IGF2R: variants seen among roughly 807,000 people sequenced by gnomAD.
IGF2R encodes cation-independent mannose-6-phosphate receptor.
A neutral mutation model predicts 270.6 loss-of-function variants in IGF2R; 91 were observed. The ratio of observed to expected loss-of-function variants is 0.34; its 90% CI spans 0.28 to 0.40. IGF2R has a LOEUF of 0.40. Ranked by LOEUF, IGF2R falls within the 10% of genes least tolerant of loss-of-function variation. IGF2R has a pLI of 1.00. For missense variants in IGF2R, 2,805 were observed against 3,188.3 expected, an observed-to-expected ratio of 0.88 and a Z score of 2.90; for synonymous variants, 1,316 against 1,258.9, an observed-to-expected ratio of 1.05 and a Z score of -0.96.
chr6:160,079,534 C>T, intron 37 of IGF2R, 46 bp from the exon 38 acceptor site: 1 of 1,328,116 alleles, frequency 7.5e-7, no homozygotes, highest in Non-Finnish European at 9.8e-7. Flanking sequence ...ACTTTGAGAC[C>T]TGGGTGCTGC....
chr6:160,042,896 C>G (rs959385124), intron 11 of IGF2R, among the ~76,000 whole-genome samples: 1 of 151,988 alleles, frequency 6.6e-6, no homozygotes, highest in African/African-American at 2.4e-5. Context: ...TCTCTGTCCC[C>G]CAGTTGGGCC....
At chr6:160,001,726 C>T (rs1372097449) in intron 2 of IGF2R, among the ~76,000 whole-genome samples, 4 of 152,172 alleles carry the variant, frequency 2.6e-5, no homozygotes, top group Non-Finnish European at 5.9e-5. Flanking sequence ...TTAAAAAAAT[C>T]ATACATTAGT....
chr6:160,032,521 A>G, intron 7 of IGF2R, 30 bp from the exon 8 acceptor site: 1 of 1,596,202 alleles, frequency 6.3e-7, no homozygotes. Context: ...AACATTTTTT[A>G]TTTTGCTTCT....
intron 2 of IGF2R, among the ~76,000 whole-genome samples, chr6:159,993,585 A>G (rs548506868): frequency 4.6e-5 from 7 of 152,184 alleles, no homozygotes; most frequent in African/African-American, 7.2e-5. Flanking sequence ...CTGTGTGCCT[A>G]TTTTTATATC....
chr6:160,046,005 C>A, intron 14 of IGF2R, 123 bp downstream of exon 14: 1 of 786,258 alleles, frequency 1.3e-6, no homozygotes, highest in Non-Finnish European at 1.9e-6. Context: ...GCTGTTTGAA[C>A]AAAATTCTGA....
intron 25 of IGF2R, 57 bp from the exon 26 acceptor site, chr6:160,062,475 T>G: frequency 2.2e-6 from 3 of 1,377,912 alleles, no homozygotes; most frequent in Non-Finnish European, 2.1e-6. Context: ...CCCGGCCCCA[T>G]TTGATTAATT....
At position 160,103,786 on chromosome 6, in the gene IGF2R, A is replaced by G. The variant is rs751895106; in HGVS notation, c.7036A>G (p.Ser2346Gly). Residue 2346 changes from serine (S) to glycine (G), a missense_variant, in exon 47 of 48, where the codon AGT (serine) becomes GGT (glycine). Physicochemically the swap from Ser to Gly is moderately conservative, Grantham distance 56. Around this residue, in one of 2 missense-constraint regions of IGF2R, gnomAD observed 1,851 missense variants for 2,207.2 expected, o/e 0.84. Transcript: ENST00000356956. ...TAAGCTGACCACTTGCTGTAGGAGA[A>G]GTTCCAACGTGTCCTACAAATACTC... Reference protein sequence around the residue: ...ISKLTTCCRRSSNVSYKYSKV... With the variant: ...ISKLTTCCRRGSNVSYKYSKV... The G allele has an allele frequency of 2.5e-5, 40 of 1,611,934 alleles. No individual in the cohort carries two copies. The highest frequency in any genetic ancestry group is 2.8e-5 in the Non-Finnish European group (33 of 1,178,160).
intron 29 of IGF2R, among the ~76,000 whole-genome samples, chr6:160,066,037 CAG>C (rs1438264698): frequency 7.2e-6 from 1 of 138,408 alleles, no homozygotes; most frequent in Non-Finnish European, 1.6e-5. Flanking sequence ...TTTAATGAGA[CAG>C]AGTCTTGCAC....
intron 1 of IGF2R, among the ~76,000 whole-genome samples, chr6:159,987,843 C>G (rs950895891): frequency 6.6e-6 from 1 of 152,158 alleles, no homozygotes; most frequent in African/African-American, 2.4e-5. Flanking sequence ...GATATTGGTG[C>G]CTTCGCCTCA....
Position 160,073,256 on chromosome 6 carries a change from C to A in IGF2R, c.4734C>A (p.Asn1578Lys). 6.2e-7 allele frequency: 1 copy of A among 1,614,258 alleles called. No homozygotes were observed. The change falls in exon 34 of 48, where the codon AAC (asparagine) becomes AAA (lysine). Residue 1578 changes from asparagine to lysine, a missense_variant. This residue lies in a region of IGF2R where 1,851 missense variants were observed against 2,207.2 expected (regional missense o/e 0.84). Transcript: ENST00000356956. ...GQTRISVGKANKRLRYVDQVL... is the reference protein window; with the variant it reads ...GQTRISVGKAKKRLRYVDQVL... ...CCAGGATTAGCGTGGGCAAGGCCAA[C>A]AAGAGGCTGAGATACGTGGACCAGG...
At chr6:160,018,132 G>GT (rs1214118855) in intron 4 of IGF2R, among the ~76,000 whole-genome samples, 79 of 151,970 alleles carry the variant, frequency 5.2e-4, no homozygotes, top group African/African-American at 1.9e-3. Context: ...GAACTAATTG[G>GT]TAAAGACATA....
intron 4 of IGF2R, among the ~76,000 whole-genome samples, chr6:160,013,734 C>A (rs936168438): frequency 6.6e-6 from 1 of 152,032 alleles, no homozygotes; most frequent in Non-Finnish European, 1.5e-5. Flanking sequence ...TTCATTAACT[C>A]ATTTTTTTTT....
At chr6:160,010,314 C>A (rs1383818533) in intron 3 of IGF2R, 1 of 169,234 alleles carries the variant, frequency 5.9e-6, no homozygotes, top group Non-Finnish European at 1.3e-5. Flanking sequence ...GGAGCCTTTT[C>A]ACGGGAAGCA....
intron 4 of IGF2R, among the ~76,000 whole-genome samples, chr6:160,017,683 A>G (rs552912523): frequency 6.6e-6 from 1 of 152,310 alleles, no homozygotes; most frequent in East Asian, 1.9e-4. Context: ...TAAGAGCCAG[A>G]GAGATTGGGT....
At chr6:160,037,055 G>C (rs1477956515) in intron 10 of IGF2R, among the ~76,000 whole-genome samples, 3 of 152,150 alleles carry the variant, frequency 2.0e-5, no homozygotes, top group Non-Finnish European at 4.4e-5. Flanking sequence ...TGTTTTGCCA[G>C]ATTTTTCATG....
At chr6:160,073,141 C>A in intron 33 of IGF2R, 72 bp from the exon 34 acceptor site, 2 of 1,574,012 alleles carry the variant, frequency 1.3e-6, no homozygotes, top group South Asian at 1.2e-5. Context: ...TCCTGACTTG[C>A]GAAAGTTCTC....
Position 160,047,329 on chromosome 6 carries a change from A to G in IGF2R, c.2222A>G (p.Glu741Gly). 1 of 1,588,988 alleles carries G rather than the reference A, an allele frequency of 6.3e-7. No individual in the cohort carries two copies. The highest frequency in any genetic ancestry group is 8.5e-7 in the Non-Finnish European group (1 of 1,169,940). The change falls in exon 16 of 48, where the codon GAA becomes GGA. Residue 741 changes from glutamate to glycine, a missense_variant. By Grantham distance (98) the Glu-to-Gly change is moderately conservative. Transcript: ENST00000356956. ...CGAGACGCGGGAGTGGGCTTCCCTG[A>G]ATATCAGGTAGGAATGTTTGTTCCT... ...CDRDAGVGFPEYQEEDNSTYN... is the reference protein window; with the variant it reads ...CDRDAGVGFPGYQEEDNSTYN...
chr6:159,993,267 G>C (rs1188247656), intron 2 of IGF2R, among the ~76,000 whole-genome samples: 1 of 152,092 alleles, frequency 6.6e-6, no homozygotes, highest in Non-Finnish European at 1.5e-5. Flanking sequence ...TTTTTGTTTT[G>C]TTGCATTTGC....
chr6:160,013,046 C>G (rs1220172219), intron 4 of IGF2R, among the ~76,000 whole-genome samples: 1 of 151,930 alleles, frequency 6.6e-6, no homozygotes, highest in East Asian at 1.9e-4. Context: ...ACCTCTCAGT[C>G]CCACAGATAC....
Sources: gnomAD v4.1 joint callset for allele counts (sites outside exome capture counted in the v4.1 genomes callset) on GRCh38, gnomAD v4.1.1 for gene constraint, gnomAD v4.1.1 regional missense constraint, MANE v1.5 for transcripts, NCBI Gene and HGNC (gene_info 2026-07-23, HGNC 2026-07-21) for gene names.